The following DNAJB6 variants were observed in gnomAD, a reference collection of about 807,000 sequenced individuals.
The protein encoded by DNAJB6 is dnaJ homolog subfamily B member 6.
In DNAJB6, 16 loss-of-function variants were observed where a neutral mutation model predicts 42.7. The ratio of observed to expected loss-of-function variants is 0.37; its 90% confidence interval spans 0.25 to 0.57. The LOEUF (loss-of-function observed/expected upper bound fraction) is 0.57, where lower values mean the gene tolerates loss of function less well. Ranked by LOEUF, DNAJB6 falls within the 20% of genes least tolerant of loss-of-function variation. The pLI, the probability that DNAJB6 is intolerant of heterozygous loss-of-function variation, is 0.74. For missense variants in DNAJB6, 347 were observed against 416.8 expected, an observed-to-expected ratio of 0.83 and a Z score of 1.46; for synonymous variants, 170 against 163.5, an observed-to-expected ratio of 1.04 and a Z score of -0.30.
chr7:157,339,601 TTGTG>T (rs59577692), intron 1 of DNAJB6, among the ~76,000 whole-genome samples: 14,263 of 122,082 alleles, frequency 0.12, 1,056 homozygotes, highest in African/African-American at 0.22. Flanking sequence ...GCCCGGCCTT[TTGTG>T]TGTGTGTGTG....
intron 2 of DNAJB6, among the ~76,000 whole-genome samples, chr7:157,359,593 G>A (rs1368713235): frequency 1.3e-5 from 2 of 152,142 alleles, no homozygotes; most frequent in African/African-American, 2.4e-5. Context: ...AGAGGCCTAG[G>A]TGGGAGGGTC....
At chr7:157,388,628 C>A (rs1171801033) in intron 8 of DNAJB6, among the ~76,000 whole-genome samples, 4 of 146,068 alleles carry the variant, frequency 2.7e-5, no homozygotes, top group East Asian at 2.0e-4. Flanking sequence ...AAAAATACTT[C>A]AATAGCTTTT....
chr7:157,357,479 T>C (rs557680339), intron 1 of DNAJB6, among the ~76,000 whole-genome samples: 1 of 150,510 alleles, frequency 6.6e-6, no homozygotes, highest in East Asian at 2.0e-4. Context: ...GCCGGCTAAT[T>C]TTTGTATTTT....
chr7:157,410,258 A>G, intron 9 of DNAJB6: 1 of 797,988 alleles, frequency 1.3e-6, no homozygotes, highest in Non-Finnish European at 1.8e-6. Context: ...TCCGCAAAGG[A>G]TGACAGAGCT....
Position 157,409,965 on chromosome 7 carries a change from G to A in DNAJB6, c.862G>A (p.Ala288Thr), listed in dbSNP as rs371808471. The change falls in exon 9 of 10, where the codon GCA (alanine) becomes ACA (threonine). Residue 288 changes from alanine to threonine, a missense_variant. Ala to Thr is a moderately conservative substitution (Grantham distance 58). Transcript: ENST00000262177. ...EEEGEQDRPR[A>T]PGPWDPLASA... Reference sequence around the variant, plus strand: ...GGAGGGCGAGCAGGACCGACCTCGGGCACCCGGGCCCTGGGACCCCCTCGC... The same window carrying A: ...GGAGGGCGAGCAGGACCGACCTCGGACACCCGGGCCCTGGGACCCCCTCGC... The A allele has an allele frequency of 1.6e-5, 24 of 1,535,574 alleles. No homozygotes were observed. The African/African-American group carries it at 1.8e-4, about 11-fold the overall frequency.
intron 5 of DNAJB6, among the ~76,000 whole-genome samples, chr7:157,371,554 G>A (rs995641951): frequency 1.3e-5 from 2 of 152,258 alleles, no homozygotes; most frequent in Non-Finnish European, 2.9e-5. Flanking sequence ...AGGTCGCGGA[G>A]GCGGATTCTA....
At chr7:157,343,952 T>C (rs1227012759) in intron 1 of DNAJB6, among the ~76,000 whole-genome samples, 1 of 152,224 alleles carries the variant, frequency 6.6e-6, no homozygotes, top group Non-Finnish European at 1.5e-5. Flanking sequence ...AAATATTTTT[T>C]CTTAATTTCT....
At chr7:157,385,166 T>C (rs1406832939) in intron 7 of DNAJB6, among the ~76,000 whole-genome samples, 158 bp downstream of exon 7, 1 of 152,250 alleles carries the variant, frequency 6.6e-6, no homozygotes, top group Non-Finnish European at 1.5e-5. Context: ...ATTAAAGCCT[T>C]TTCTCTTAAA....
intron 5 of DNAJB6, among the ~76,000 whole-genome samples, chr7:157,375,662 T>G (rs1800435532): frequency 6.6e-6 from 1 of 152,240 alleles, no homozygotes; most frequent in Non-Finnish European, 1.5e-5. Context: ...CCGGCCGTGT[T>G]CTTCATTGGC....
intron 1 of DNAJB6, among the ~76,000 whole-genome samples, chr7:157,346,376 T>C (rs1584878850): frequency 6.9e-6 from 1 of 144,934 alleles, no homozygotes; most frequent in Non-Finnish European, 1.5e-5. Context: ...ACTAGGGAAA[T>C]CGTCCAAGTA....
At chr7:157,382,147 A>C in intron 5 of DNAJB6, 99 bp from the exon 6 acceptor site, 1 of 1,369,476 alleles carries the variant, frequency 7.3e-7, no homozygotes, top group African/African-American at 1.5e-5. Flanking sequence ...TTTGTTCCTG[A>C]ATATGTTACA....
chr7:157,376,010 C>T (rs1800453286), intron 5 of DNAJB6, among the ~76,000 whole-genome samples: 1 of 152,174 alleles, frequency 6.6e-6, no homozygotes, highest in South Asian at 2.1e-4. Context: ...CAGCAGGCCT[C>T]TCCTGGGCCG....
chr7:157,361,083 CT>C (rs576552792), intron 2 of DNAJB6, among the ~76,000 whole-genome samples: 1 of 151,400 alleles, frequency 6.6e-6, no homozygotes, highest in Non-Finnish European at 1.5e-5. Context: ...CATTTTTTCT[CT>C]TTTGTCTTTT....
chr7:157,352,780 T>C (rs12668458), intron 1 of DNAJB6, among the ~76,000 whole-genome samples: 59,459 of 152,038 alleles, frequency 0.39, 12,651 homozygotes, highest in Middle Eastern at 0.53. Flanking sequence ...TAAACAACCA[T>C]GGAAGTGGAT....
intron 1 of DNAJB6, among the ~76,000 whole-genome samples, chr7:157,357,725 G>T (rs1799381976): frequency 6.6e-6 from 1 of 152,150 alleles, no homozygotes; most frequent in Non-Finnish European, 1.5e-5. Context: ...TCCTCCTTGT[G>T]GGACCAGAGG....
chr7:157,338,490 T>C (rs1798167420), intron 1 of DNAJB6, among the ~76,000 whole-genome samples: 1 of 152,100 alleles, frequency 6.6e-6, no homozygotes, highest in African/African-American at 2.4e-5. Flanking sequence ...CTCGCCACCA[T>C]GTCCGACTAA....
intron 1 of DNAJB6, among the ~76,000 whole-genome samples, chr7:157,356,224 C>T (rs993273630): frequency 1.1e-4 from 16 of 152,222 alleles, no homozygotes; most frequent in African/African-American, 3.6e-4. Flanking sequence ...CTGCCACTGG[C>T]ATCACTGCCA....
At chr7:157,356,046 G>T (rs1487491459) in intron 1 of DNAJB6, among the ~76,000 whole-genome samples, 1 of 152,242 alleles carries the variant, frequency 6.6e-6, no homozygotes, top group Non-Finnish European at 1.5e-5. Flanking sequence ...GTTTGGACTT[G>T]CGAGGGCATG....
At chr7:157,404,760 C>T (rs1021459593) in intron 8 of DNAJB6, among the ~76,000 whole-genome samples, 2 of 152,126 alleles carry the variant, frequency 1.3e-5, no homozygotes, top group Non-Finnish European at 2.9e-5. Flanking sequence ...CCTGCCTCAG[C>T]CTCTCAAAGT....
Sources: allele counts gnomAD v4.1 joint callset (sites outside exome capture counted in the v4.1 genomes callset), GRCh38; gene constraint gnomAD v4.1.1; transcripts MANE v1.5; gene names NCBI Gene and HGNC (gene_info 2026-07-23, HGNC 2026-07-21).